PELP1: variants seen among roughly 807,000 people sequenced by gnomAD.
The protein encoded by PELP1 is proline, glutamate and leucine rich protein 1.
A neutral mutation model predicts 95.5 loss-of-function variants in PELP1; 32 were observed. The observed-to-expected ratio is 0.34, with a 90% confidence interval of 0.25 to 0.45. The LOEUF is 0.45. PELP1 is among the 20% of genes least tolerant of loss of function. The pLI is 1.00. For missense variants in PELP1, 1,358 were observed against 1,444.8 expected (o/e 0.94, Z 0.97); for synonymous variants, 668 against 600.1 (o/e 1.11, Z -1.65).
At chr17:4,699,309 G>A (rs1331049098) in intron 1 of PELP1, among the ~76,000 whole-genome samples, 1 of 152,026 alleles carries the variant, frequency 6.6e-6, no homozygotes, top group African/African-American at 2.4e-5. Context: ...GAACCCGGGA[G>A]GCAGAGCTTG....
intron 1 of PELP1, chr17:4,696,682 A>G (rs986791832): frequency 6.6e-6 from 1 of 152,218 alleles, no homozygotes; most frequent in African/African-American, 2.4e-5. Flanking sequence ...AGGTTACTGT[A>G]ATATTCCAGA....
intron 1 of PELP1, among the ~76,000 whole-genome samples, chr17:4,701,640 T>TC (rs1157092659): frequency 6.6e-6 from 1 of 152,212 alleles, no homozygotes; most frequent in Non-Finnish European, 1.5e-5. Flanking sequence ...AGGTGGATGA[T>TC]CAAACAGTGG....
intron 7 of PELP1, 96 bp from the exon 8 acceptor site, chr17:4,676,258 C>T: frequency 6.3e-7 from 1 of 1,581,014 alleles, no homozygotes; most frequent in Non-Finnish European, 8.6e-7. Context: ...ACCCATTTTC[C>T]CCAAAAACCA....
Position 4,672,809 on chromosome 17 carries a change from C to T in PELP1, c.2182G>A (p.Glu728Lys), listed in dbSNP as rs770325846. Residue 728 changes from glutamate to lysine, a missense_variant, in exon 16 of 17, where the codon GAG (glutamate) becomes AAG (lysine). Physicochemically the swap from Glu to Lys is moderately conservative, Grantham distance 56. Around this residue, in one of 7 missense-constraint regions of PELP1, gnomAD observed 340 missense variants for 322.9 expected, o/e 1.05. Transcript: ENST00000572293. Reference sequence around the variant, plus strand: ...TCATTTGAGCCTGCCCGGTGGTTCTCAGGGCCAGGAAGAAGCCGGGGAGGG... The same window carrying T: ...TCATTTGAGCCTGCCCGGTGGTTCTTAGGGCCAGGAAGAAGCCGGGGAGGG... ...SVPPRLLPGP[E>K]NHRAGSNEDP... 4.0e-5 allele frequency: 65 copies of T among 1,613,726 alleles called. No individual in the cohort carries two copies. Among genetic ancestry groups the T allele is most frequent in the Non-Finnish European group, 5.4e-5 (64 of 1,179,842 alleles).
At chr17:4,703,752 G>GCTCT in intron 1 of PELP1, 111 bp downstream of exon 1, 1 of 890,574 alleles carries the variant, frequency 1.1e-6, no homozygotes, top group African/African-American at 1.7e-5. Context: ...TCTGCCCGCA[G>GCTCT]CTCTCCTTCC....
In PELP1 at chr17:4,672,255, TTCCTCA is replaced by T; in HGVS notation, c.2730_2735del (p.Phe910_Glu912delinsLeu). On this transcript the variant is annotated inframe_deletion, in exon 16 of 17. Coordinates refer to ENST00000572293, the MANE Select transcript of PELP1 (RefSeq NM_014389.3). ...AATATTCCTCTTCATCCTCTTCCTC[TTCCTCA>T]AAGTCTTCCTCCTCTTCCTCTTCTT... 1.3e-6 allele frequency: 2 copies of T among 1,552,640 alleles called. No individual in the cohort carries two copies. The highest frequency in any genetic ancestry group is 1.2e-5 in the South Asian group (1 of 84,086).
At position 4,675,867 on chromosome 17, in the gene PELP1, G is replaced by A; in HGVS notation, c.998C>T (p.Pro333Leu). The A allele has an allele frequency of 6.3e-7, 1 of 1,592,152 alleles. No individual in the cohort carries two copies. Among genetic ancestry groups the A allele is most frequent in the Non-Finnish European group, 8.6e-7 (1 of 1,169,308 alleles). ...GLMLSSEFGA[P>L]VSVPVQEILD... is the part of the protein sequence containing the mutation. ...GATTTCCTGCACAGGGACGGACACG[G>A]GAGCTCCAAACTCAGAGCTAAAGAG... The change falls in exon 9 of 17, where the codon CCC becomes CTC. Residue 333 changes from proline (P) to leucine (L), a missense_variant. By Grantham distance (98) the Pro-to-Leu change is moderately conservative (BLOSUM62 -3). Coordinates refer to ENST00000572293, the MANE Select transcript of PELP1 (RefSeq NM_014389.3). The surrounding 1 kb of genome is among the most constrained non-coding windows in gnomAD (Gnocchi z 4.3).
rs1410852340 is a variant in PELP1, at chr17:4,675,174, G to C, written c.1179C>G (p.Arg393=). The change falls in exon 11 of 17, where the codon CGC becomes CGG. Residue 393 remains arginine, a synonymous_variant. Transcript: ENST00000572293. The surrounding 1 kb of genome is among the most constrained non-coding windows in gnomAD (Gnocchi z 4.3). ...LILACGSRLL[R]FGILIGRLLP... is the part of the protein sequence containing the mutation. ...GCAGGCGGCCGATCAGGATCCCAAA[G>C]CGCAAGAGCCGGCTTCCACACCTGG... 7 of 1,613,672 alleles carry C rather than the reference G, an allele frequency of 4.3e-6. No homozygotes were observed. The highest frequency in any genetic ancestry group is 2.2e-5 in the South Asian group (2 of 91,068).
At chr17:4,693,849 T>C (rs370633275) in intron 1 of PELP1, among the ~76,000 whole-genome samples, 7 of 152,080 alleles carry the variant, frequency 4.6e-5, no homozygotes, top group East Asian at 1.9e-4. Flanking sequence ...AGTAAAACCA[T>C]GGAAAGGGAA....
chr17:4,671,408 T>C lies in PELP1; in HGVS notation c.*31A>G, dbSNP rs1912192188. On this transcript the variant is annotated 3_prime_UTR_variant, in exon 17 of 17. Coordinates refer to ENST00000572293, the MANE Select transcript of PELP1 (RefSeq NM_014389.3). ...GTCGCTATCTAAGGACATAACTTTA[T>C]TGGAAACAAAGAGTGGGGTGCAGAA... The C allele has an allele frequency of 1.7e-6, 2 of 1,180,908 alleles. No homozygotes were observed. The highest frequency in any genetic ancestry group is 1.2e-5 in the South Asian group (1 of 82,320). The allele number at this position is 1,180,908 out of a possible 1,614,324, so 73.2% of individuals were successfully genotyped here. A position where few individuals can be genotyped will look rare whatever the true frequency, so the allele number is the denominator to read the frequency against.
chr17:4,673,265 T>C lies in PELP1; in HGVS notation c.1830A>G (p.Arg610=). 6.4e-7 allele frequency: 1 copy of C among 1,572,928 alleles called. No homozygotes were observed. Among genetic ancestry groups the C allele is most frequent in the Non-Finnish European group, 8.6e-7 (1 of 1,158,724 alleles). ...CALQAFSLGQ[R]EDSLEVSSFC... is the part of the protein sequence containing the mutation. ...TCACAGTTACCTCAAGGCTATCTTC[T>C]CGCTGGCCGAGGGAGAAGGCTTGCA... Residue 610 remains arginine (R), a synonymous_variant, in exon 15 of 17, where the codon CGA becomes CGG. Coordinates refer to ENST00000572293, the MANE Select transcript of PELP1 (RefSeq NM_014389.3). The surrounding 1 kb of genome is among the most constrained non-coding windows in gnomAD (Gnocchi z 5.7).
At chr17:4,691,090 A>C in intron 2 of PELP1, 97 bp from the exon 3 acceptor site, 1 of 848,110 alleles carries the variant, frequency 1.2e-6, no homozygotes, top group African/African-American at 1.7e-5. Flanking sequence ...GCAAGACTTC[A>C]TCCCCAGATC....
rs551000386 is a variant in PELP1 at position 4,671,027 on chromosome 17, C to A, written c.*412G>T. On this transcript the variant is annotated 3_prime_UTR_variant, in exon 17 of 17. Transcript: ENST00000572293. ...CCCTTTCAGACCAAGGGGCTGAGCA[C>A]GCATGCGTGTGGGCATGTGGGTGTT... 5 of 209,240 alleles carry A rather than the reference C, an allele frequency of 2.4e-5. No individual in the cohort carries two copies. In the South Asian group the frequency reaches 2.7e-4, roughly 11 times the overall value. 13.0% of individuals were successfully genotyped at this position (209,240 alleles called of 1,614,324 possible). A position where few individuals can be genotyped will look rare whatever the true frequency, so the allele number is the denominator to read the frequency against.
rs781400324 is a variant in PELP1, at chr17:4,674,827, C to A, written c.1404G>T (p.Pro468=). The A allele has an allele frequency of 1.2e-6, 2 of 1,612,060 alleles. No individual in the cohort carries two copies. The highest frequency in any genetic ancestry group is 1.1e-5 in the South Asian group (1 of 90,944). ...LLTHLLSDIS[P]PADALKLRSP... ...TCCTCACCTTAAGGGCATCAGCTGG[C>A]GGGGAGATGTCGCTGAGCAGGTGGG... Residue 468 remains proline (P), a synonymous_variant, in exon 12 of 17, where the codon CCG becomes CCT. Coordinates refer to ENST00000572293, the MANE Select transcript of PELP1 (RefSeq NM_014389.3).
chr17:4,674,766 A>G (rs370414746), intron 12 of PELP1, 43 bp downstream of exon 12: 76 of 1,589,646 alleles, frequency 4.8e-5, no homozygotes, highest in Non-Finnish European at 6.3e-5. Flanking sequence ...ACTTGGTCAA[A>G]GGGCACAGGA....
Position 4,680,430 on chromosome 17 carries a change from G to A in PELP1, c.642+2072C>T, listed in dbSNP as rs139820452. On this transcript the variant is annotated intron_variant, in intron 5 of 16. Coordinates refer to ENST00000572293, the MANE Select transcript of PELP1 (RefSeq NM_014389.3). ...GTAACTGGGACTACAGGCACACACC[G>A]CCACGCCTGGCTAATTTTTTGTATT... is the stretch of plus-strand genomic sequence containing the variant. Among the ~76,000 whole-genome samples the A allele has an allele frequency of 2.2e-3, 328 of 152,052 alleles. 3 individuals carry two copies. Among genetic ancestry groups the A allele is most frequent in the Non-Finnish European group, 3.3e-3 (227 of 67,950 alleles).
In PELP1 at chr17:4,672,479, G is replaced by A; in HGVS notation, c.2512C>T (p.Pro838Ser). Residue 838 changes from proline (P) to serine (S), a missense_variant, in exon 16 of 17, where the codon CCT (proline) becomes TCT (serine). By Grantham distance (74) the Pro-to-Ser change is moderately conservative. Transcript: ENST00000572293. ...EPEELPAAPG[P>S]LPPPPPPPPP... ...GGCGGAGGTGGGGGTGGCGGGAGAGGCCCTGGGGCTGCAGGAAGTTCTTCA... is the reference window on the plus strand; with the variant it reads ...GGCGGAGGTGGGGGTGGCGGGAGAGACCCTGGGGCTGCAGGAAGTTCTTCA... 1 of 1,569,288 alleles carries A rather than the reference G, an allele frequency of 6.4e-7. No individual in the cohort carries two copies. Among genetic ancestry groups the A allele is most frequent in the Non-Finnish European group, 8.6e-7 (1 of 1,159,156 alleles).
chr17:4,695,237 G>A (rs1451003031), intron 1 of PELP1, among the ~76,000 whole-genome samples: 6 of 151,922 alleles, frequency 3.9e-5, no homozygotes, highest in Non-Finnish European at 7.4e-5. Context: ...CAGGAGAATC[G>A]CTTGAACCCG....
chr17:4,694,598 C>T (rs1389854310), intron 1 of PELP1, among the ~76,000 whole-genome samples: 30 of 144,968 alleles, frequency 2.1e-4, no homozygotes, highest in Admixed American at 1.4e-4. Flanking sequence ...AGGCGGAGGT[C>T]GCAATGAGCC....
Sources: allele counts gnomAD v4.1 joint callset (sites outside exome capture counted in the v4.1 genomes callset), GRCh38; gene constraint gnomAD v4.1.1; regional missense constraint gnomAD v4.1.1; non-coding constraint Gnocchi (gnomAD v3.1); transcripts MANE v1.5; gene names NCBI Gene and HGNC (gene_info 2026-07-23, HGNC 2026-07-21).